The following VPS18 variants were observed in gnomAD, a reference collection of about 807,000 sequenced individuals.
VPS18 encodes VPS18 core subunit of CORVET and HOPS complexes.
In VPS18, 25 loss-of-function variants were observed where a neutral mutation model predicts 82.0. The ratio of observed to expected loss-of-function variants is 0.30; its 90% CI spans 0.22 to 0.43. The LOEUF is 0.43. VPS18 is among the 20% of genes least tolerant of loss of function. The pLI is 1.00. For missense variants in VPS18, 1,168 were observed against 1,311.1 expected, an observed-to-expected ratio of 0.89 and a Z score of 1.69; for synonymous variants, 523 against 543.0, an observed-to-expected ratio of 0.96 and a Z score of 0.51.
At position 40,903,163 on chromosome 15, in the gene VPS18, C is replaced by A; in HGVS notation, c.2744C>A (p.Ala915Asp). 1 of 1,605,578 alleles carries A rather than the reference C, an allele frequency of 6.2e-7. No individual in the cohort carries two copies. Among genetic ancestry groups the A allele is most frequent in the Non-Finnish European group, 8.5e-7 (1 of 1,175,866 alleles). ...CCCCCAGCCAAGGGCTCTGCCCGGG[C>A]CAAGGAGGCCGAGGGTGGGGCTGCC... ...APPPAKGSARAKEAEGGAATA... is the reference protein window; with the variant it reads ...APPPAKGSARDKEAEGGAATA... Residue 915 changes from alanine (A) to aspartate (D), a missense_variant, in exon 5 of 5, where the codon GCC becomes GAC. By Grantham distance (126) the Ala-to-Asp change is moderately radical (BLOSUM62 -2). Around this residue, in one of 3 missense-constraint regions of VPS18, gnomAD observed 296 missense variants for 354.0 expected, o/e 0.84. Transcript: ENST00000220509.
Position 40,899,391 on chromosome 15 carries a change from C to G in VPS18, c.573C>G (p.Arg191=), listed in dbSNP as rs1291142500. The change falls in exon 4 of 5, where the codon CGC becomes CGG. Residue 191 remains arginine (R), a synonymous_variant. Transcript: ENST00000220509. This position sits in a 1 kb window ranked among gnomAD's most constrained non-coding sequence, Gnocchi z 4.4. ...LFGPAPDLYF[R]PLYVLNEEGG... The stretch of plus-strand genomic sequence containing the variant: ...GCCCTGCTCCGGATCTCTACTTCCG[C>G]CCATTGTACGTGCTAAATGAAGAAG... 1.2e-6 allele frequency: 2 copies of G among 1,607,864 alleles called. No individual in the cohort carries two copies. Among genetic ancestry groups the G allele is most frequent in the African/African-American group, 2.7e-5 (2 of 74,818 alleles).
chr15:40,895,334 G>A (rs1020014588), intron 1 of VPS18, among the ~76,000 whole-genome samples: 2 of 152,170 alleles, frequency 1.3e-5, no homozygotes, highest in African/African-American at 4.8e-5. Flanking sequence ...TTTGGCCTTG[G>A]CTATAGCTGG....
chr15:40,899,373 T>G lies in VPS18; in HGVS notation c.555T>G (p.Ala185=). Residue 185 remains alanine, a synonymous_variant, in exon 4 of 5, where the codon GCT becomes GCG. Coordinates refer to ENST00000220509, the MANE Select transcript of VPS18 (RefSeq NM_020857.3). The surrounding 1 kb of genome is among the most constrained non-coding windows in gnomAD (Gnocchi z 4.4). ...SASEGGLFGP[A]PDLYFRPLYV... is the part of the protein sequence containing the mutation. ...GCGAAGGTGGGCTTTTCGGCCCTGC[T>G]CCGGATCTCTACTTCCGCCCATTGT... 6.2e-7 allele frequency: 1 copy of G among 1,610,568 alleles called. No homozygotes were observed. The highest frequency in any genetic ancestry group is 8.5e-7 in the Non-Finnish European group (1 of 1,177,114).
chr15:40,898,673 A>T (rs1245182495), intron 2 of VPS18: 1 of 562,396 alleles, frequency 1.8e-6, no homozygotes, highest in African/African-American at 1.9e-5. Context: ...GGATTTCGCC[A>T]TGTTGCCCAG....
intron 4 of VPS18, 32 bp downstream of exon 4, chr15:40,901,046 G>A: frequency 6.3e-7 from 1 of 1,576,902 alleles, no homozygotes; most frequent in Non-Finnish European, 8.6e-7. Flanking sequence ...CCAGCTGGGA[G>A]AGGGACCCAA....
In VPS18 at chr15:40,896,051, A is replaced by C. The variant is rs765790238; in HGVS notation, c.205A>C (p.Met69Leu). ...TGTCGTCTCCAGCAATCAGCTGTGCATGAGCCTGGGCAAGGATACACTGCT... is the reference window on the plus strand; with the variant it reads ...TGTCGTCTCCAGCAATCAGCTGTGCCTGAGCCTGGGCAAGGATACACTGCT... Reference protein sequence around the residue: ...SLVVSSNQLCMSLGKDTLLRI... With the variant: ...SLVVSSNQLCLSLGKDTLLRI... Residue 69 changes from methionine (M) to leucine (L), a missense_variant, in exon 2 of 5, where the codon ATG (methionine) becomes CTG (leucine). Coordinates refer to ENST00000220509, the MANE Select transcript of VPS18 (RefSeq NM_020857.3). 3.7e-6 allele frequency: 6 copies of C among 1,614,250 alleles called. No individual in the cohort carries two copies. In the East Asian group the frequency reaches 1.3e-4, roughly 36 times the overall value.
At chr15:40,896,104 G>C (rs746559666) in intron 2 of VPS18, 25 bp downstream of exon 2, 102 of 1,613,906 alleles carry the variant, frequency 6.3e-5, no homozygotes, top group Non-Finnish European at 3.4e-6. Flanking sequence ...ACAGAGCTTA[G>C]GAGTAGGGAC....
rs1892298578 is a variant in VPS18, at chr15:40,899,439, C to T, written c.621C>T (p.Ser207=). The T allele has an allele frequency of 5.0e-6, 8 of 1,605,930 alleles. No individual in the cohort carries two copies. Among genetic ancestry groups the T allele is most frequent in the Non-Finnish European group, 6.0e-6 (7 of 1,174,542 alleles). The change falls in exon 4 of 5, where the codon TCC becomes TCT. Residue 207 remains serine (S), a synonymous_variant. Transcript: ENST00000220509. This position sits in a 1 kb window ranked among gnomAD's most constrained non-coding sequence, Gnocchi z 4.4. The part of the protein sequence containing the change: ...NEEGGPAPVC[S]LEAERGPDGR... ...AAGGGGGTCCAGCACCTGTGTGCTC[C>T]CTTGAGGCCGAGCGGGGCCCTGATG... is the stretch of plus-strand genomic sequence containing the variant.
In VPS18 at chr15:40,895,531, C is replaced by T. The variant is rs1053491915; in HGVS notation, c.92-407C>T. Among the ~76,000 whole-genome samples the T allele has an allele frequency of 2.6e-4, 39 of 152,114 alleles. 1 individual carries two copies. The highest frequency in any genetic ancestry group is 1.0e-4 in the Non-Finnish European group (7 of 68,024). ...CACTTGCCAACTCTACACTGAGGCTCATTACCGCATGGGCAGGGAGGGGGG... is the reference window on the plus strand; with the variant it reads ...CACTTGCCAACTCTACACTGAGGCTTATTACCGCATGGGCAGGGAGGGGGG... On this transcript the variant is annotated intron_variant, in intron 1 of 4. Transcript: ENST00000220509.
At chr15:40,897,633 A>G (rs141130406) in intron 2 of VPS18, among the ~76,000 whole-genome samples, 2 of 152,346 alleles carry the variant, frequency 1.3e-5, no homozygotes, top group African/African-American at 4.8e-5. Context: ...AGAATTTCAT[A>G]AGGAAAATAT....
chr15:40,894,740 C>T lies in VPS18; in HGVS notation c.-29C>T, dbSNP rs750514394. 3 of 1,537,142 alleles carry T rather than the reference C, an allele frequency of 2.0e-6. No homozygotes were observed. Among genetic ancestry groups the T allele is most frequent in the South Asian group, 2.4e-5 (2 of 82,900 alleles). On this transcript the variant is annotated 5_prime_UTR_variant, in exon 1 of 5. Transcript: ENST00000220509. ...GTAGCCCTTTTGTAATCCCCAGGCCCCGGACAAAGAGCCCAGAGGCCGGGC... is the reference window on the plus strand; with the variant it reads ...GTAGCCCTTTTGTAATCCCCAGGCCTCGGACAAAGAGCCCAGAGGCCGGGC...
At position 40,899,389 on chromosome 15, in the gene VPS18, C is replaced by T. The variant is rs373822776; in HGVS notation, c.571C>T (p.Arg191Cys). The change falls in exon 4 of 5, where the codon CGC becomes TGC. Residue 191 changes from arginine to cysteine, a missense_variant. Around this residue, in one of 3 missense-constraint regions of VPS18, gnomAD observed 868 missense variants for 939.8 expected, o/e 0.92. Coordinates refer to ENST00000220509, the MANE Select transcript of VPS18 (RefSeq NM_020857.3). The surrounding 1 kb of genome is among the most constrained non-coding windows in gnomAD (Gnocchi z 4.4). ...CGGCCCTGCTCCGGATCTCTACTTCCGCCCATTGTACGTGCTAAATGAAGA... is the reference window on the plus strand; with the variant it reads ...CGGCCCTGCTCCGGATCTCTACTTCTGCCCATTGTACGTGCTAAATGAAGA... ...LFGPAPDLYFRPLYVLNEEGG... is the reference protein window; with the variant it reads ...LFGPAPDLYFCPLYVLNEEGG... The T allele has an allele frequency of 6.2e-6, 10 of 1,608,084 alleles. No individual in the cohort carries two copies. The highest frequency in any genetic ancestry group is 6.8e-6 in the Non-Finnish European group (8 of 1,175,440).
intron 1 of VPS18, 123 bp from the exon 2 acceptor site, chr15:40,895,815 A>G: frequency 7.4e-7 from 1 of 1,351,596 alleles, no homozygotes; most frequent in Non-Finnish European, 1.0e-6. Flanking sequence ...TTTGTTAACC[A>G]AGGTCCTGGG....
At position 40,899,051 on chromosome 15, in the gene VPS18, G is replaced by T; in HGVS notation, c.325+53G>T. 3.1e-6 allele frequency: 5 copies of T among 1,605,690 alleles called. No homozygotes were observed. Among genetic ancestry groups the T allele is most frequent in the South Asian group, 1.1e-5 (1 of 87,144 alleles). On this transcript the variant is annotated intron_variant, in intron 3 of 4. Transcript: ENST00000220509. The surrounding 1 kb of genome is among the most constrained non-coding windows in gnomAD (Gnocchi z 4.4). ...GGGTCTCTGGTCAGTCACTGCCTGG[G>T]TGGGTGGGCTCTGAGGGTGGTGTGG...
Position 40,900,315 on chromosome 15 carries a change from C to T in VPS18, c.1497C>T (p.Tyr499=), listed in dbSNP as rs1420809140. ...TGACCACCTGGCTGACAGAGCTCTA[C>T]CTGAGCCGGCTTGGGGCTCTGCAGG... The part of the protein sequence containing the change: ...TLLTTWLTEL[Y]LSRLGALQGD... The change falls in exon 4 of 5, where the codon TAC becomes TAT. Residue 499 remains tyrosine, a synonymous_variant. Transcript: ENST00000220509. The surrounding 1 kb of genome is among the most constrained non-coding windows in gnomAD (Gnocchi z 5.4). The T allele has an allele frequency of 1.5e-5, 24 of 1,613,686 alleles. No individual in the cohort carries two copies. The highest frequency in any genetic ancestry group is 1.8e-5 in the Non-Finnish European group (21 of 1,180,036).
intron 2 of VPS18, among the ~76,000 whole-genome samples, chr15:40,897,429 TAC>T (rs1566868399): frequency 1.3e-5 from 2 of 152,138 alleles, no homozygotes; most frequent in Non-Finnish European, 2.9e-5. Context: ...TTAAGACACA[TAC>T]ACATATGTGC....
chr15:40,900,663 T>A lies in VPS18; in HGVS notation c.1845T>A (p.Ile615=). 1 of 1,614,072 alleles carries A rather than the reference T, an allele frequency of 6.2e-7. No homozygotes were observed. The highest frequency in any genetic ancestry group is 8.5e-7 in the Non-Finnish European group (1 of 1,180,008). ...HIPRQLVDAW[I]EMGSRLDARQ... Reference sequence around the variant, plus strand: ...CCCGCCAGCTTGTAGATGCCTGGATTGAGATGGGCAGCCGGCTGGATGCTC... The same window carrying A: ...CCCGCCAGCTTGTAGATGCCTGGATAGAGATGGGCAGCCGGCTGGATGCTC... The change falls in exon 4 of 5, where the codon ATT becomes ATA. Residue 615 remains isoleucine (I), a synonymous_variant. Transcript: ENST00000220509. The surrounding 1 kb of genome is among the most constrained non-coding windows in gnomAD (Gnocchi z 5.4).
At position 40,903,007 on chromosome 15, in the gene VPS18, G is replaced by C. The variant is rs774241473; in HGVS notation, c.2588G>C (p.Arg863Pro). 1 of 1,614,254 alleles carries C rather than the reference G, an allele frequency of 6.2e-7. No homozygotes were observed. The highest frequency in any genetic ancestry group is 1.1e-5 in the South Asian group (1 of 91,082). ...ACCTGCGACTTCCCCCTGCTCAACCGCCCTTTTTACCTCTTCCTCTGTGGC... is the reference window on the plus strand; with the variant it reads ...ACCTGCGACTTCCCCCTGCTCAACCCCCCTTTTTACCTCTTCCTCTGTGGC... ...CATCDFPLLNRPFYLFLCGHM... is the reference protein window; with the variant it reads ...CATCDFPLLNPPFYLFLCGHM... The change falls in exon 5 of 5, where the codon CGC becomes CCC. Residue 863 changes from arginine to proline, a missense_variant. Physicochemically the swap from Arg to Pro is moderately radical, Grantham distance 103. Coordinates refer to ENST00000220509, the MANE Select transcript of VPS18 (RefSeq NM_020857.3).
rs1022645838 is a variant in VPS18, at chr15:40,903,034, A to G, written c.2615A>G (p.His872Arg). ...NRPFYLFLCG[H>R]MFHADCLLQA... is the part of the protein sequence containing the mutation. ...CCTTTTTACCTCTTCCTCTGTGGCC[A>G]TATGTTCCATGCTGACTGCCTGCTG... is the stretch of plus-strand genomic sequence containing the variant. The change falls in exon 5 of 5, where the codon CAT becomes CGT. Residue 872 changes from histidine to arginine, a missense_variant. Around this residue, in one of 3 missense-constraint regions of VPS18, gnomAD observed 296 missense variants for 354.0 expected, o/e 0.84. Transcript: ENST00000220509. 6.2e-7 allele frequency: 1 copy of G among 1,614,228 alleles called. No homozygotes were observed. Among genetic ancestry groups the G allele is most frequent in the Non-Finnish European group, 8.5e-7 (1 of 1,180,030 alleles).
Sources: allele counts gnomAD v4.1 joint callset (sites outside exome capture counted in the v4.1 genomes callset), GRCh38; gene constraint gnomAD v4.1.1; regional missense constraint gnomAD v4.1.1; non-coding constraint Gnocchi (gnomAD v3.1); transcripts MANE v1.5; gene names NCBI Gene and HGNC (gene_info 2026-07-23, HGNC 2026-07-21).